The following TLL1 variants were observed in gnomAD, a reference collection of about 807,000 sequenced individuals.
The protein encoded by TLL1 is tolloid like 1, also known as tolloid-like protein 1.
A neutral mutation model predicts 128.2 loss-of-function variants in TLL1; 49 were observed. That is an observed-to-expected ratio of 0.38 (90% confidence interval 0.30 to 0.48). The LOEUF is 0.48. TLL1 is among the 20% of genes least tolerant of loss of function. TLL1 has a pLI of 0.96. For synonymous variants in TLL1, 454 were observed against 418.8 expected (o/e 1.08, Z -1.03); for missense variants, 1,123 against 1,242.0 (o/e 0.90, Z 1.44).
At chr4:165,957,749 A>AT (rs1734879316) in intron 1 of TLL1, among the ~76,000 whole-genome samples, 1 of 149,492 alleles carries the variant, frequency 6.7e-6, no homozygotes, top group African/African-American at 2.5e-5. Flanking sequence ...TTTAGGGTAC[A>AT]TGTGCACAAT....
At chr4:166,099,551 C>A (rs563986958) in intron 20 of TLL1, 24 bp downstream of exon 20, 1 of 1,612,306 alleles carries the variant, frequency 6.2e-7, no homozygotes, top group South Asian at 1.1e-5. Flanking sequence ...CAACAGAATA[C>A]CCTAGACATG....
chr4:165,999,173 C>T (rs763325639), intron 5 of TLL1, among the ~76,000 whole-genome samples: 1 of 152,132 alleles, frequency 6.6e-6, no homozygotes, highest in Admixed American at 6.5e-5. Context: ...AACCACTGCC[C>T]GTTACCCAGT....
intron 5 of TLL1, among the ~76,000 whole-genome samples, chr4:165,996,222 A>G (rs138431814): frequency 1.0e-3 from 157 of 152,294 alleles, no homozygotes; most frequent in Middle Eastern, 3.4e-3. Flanking sequence ...GTCTTTCTCA[A>G]TGATGAGGAT....
intron 2 of TLL1, 113 bp from the exon 3 acceptor site, chr4:165,992,689 CTT>C (rs2111015418): frequency 1.0e-6 from 1 of 953,194 alleles, no homozygotes; most frequent in Non-Finnish European, 1.7e-6. Context: ...AATTTCAACA[CTT>C]TAAGACCACA....
intron 1 of TLL1, among the ~76,000 whole-genome samples, chr4:165,972,840 C>A (rs1041084481): frequency 1.3e-5 from 2 of 152,168 alleles, no homozygotes; most frequent in Non-Finnish European, 2.9e-5. Flanking sequence ...AACATCAAGT[C>A]TGAACTTCTT....
intron 1 of TLL1, among the ~76,000 whole-genome samples, chr4:165,887,643 A>G (rs1731221779): frequency 6.6e-6 from 1 of 152,140 alleles, no homozygotes; most frequent in Non-Finnish European, 1.5e-5. Context: ...TCAGGCGTAT[A>G]TTGGTTAAAT....
At chr4:165,919,667 G>C (rs923086468) in intron 1 of TLL1, among the ~76,000 whole-genome samples, 2 of 152,154 alleles carry the variant, frequency 1.3e-5, no homozygotes, top group African/African-American at 4.8e-5. Flanking sequence ...TACATTCTTT[G>C]GATAAATACA....
intron 9 of TLL1, among the ~76,000 whole-genome samples, chr4:166,038,874 G>A (rs1553963617): frequency 6.6e-6 from 1 of 152,130 alleles, no homozygotes; most frequent in Non-Finnish European, 1.5e-5. Flanking sequence ...TGGGAAAGTG[G>A]CACATGGTGG....
chr4:165,958,682 G>GT (rs1561055175), intron 1 of TLL1, among the ~76,000 whole-genome samples: 1 of 139,374 alleles, frequency 7.2e-6, no homozygotes, highest in East Asian at 2.2e-4. Flanking sequence ...TCTGATGGTA[G>GT]TTTCTTTTGC....
At chr4:165,938,999 CTT>C (rs1206700825) in intron 1 of TLL1, among the ~76,000 whole-genome samples, 1 of 149,572 alleles carries the variant, frequency 6.7e-6, no homozygotes, top group Non-Finnish European at 1.5e-5. Context: ...CTTTTTCTCT[CTT>C]TGTTTTGCTT....
chr4:165,907,858 C>A (rs1359968732), intron 1 of TLL1, among the ~76,000 whole-genome samples: 1 of 152,104 alleles, frequency 6.6e-6, no homozygotes, highest in Non-Finnish European at 1.5e-5. Flanking sequence ...TTGTAAGACA[C>A]TTTTATAAAC....
chr4:166,043,528 C>T, intron 12 of TLL1, 109 bp downstream of exon 12: 1 of 1,513,092 alleles, frequency 6.6e-7, no homozygotes, highest in Non-Finnish European at 9.2e-7. Context: ...GCCTTTTAAT[C>T]AGCAAAGAAG....
At chr4:166,057,346 C>A (rs756534068) in intron 14 of TLL1, 37 bp downstream of exon 14, 4 of 1,611,438 alleles carry the variant, frequency 2.5e-6, no homozygotes, top group Non-Finnish European at 3.4e-6. Flanking sequence ...CCACCCCCCA[C>A]AATTATTTAT....
intron 1 of TLL1, among the ~76,000 whole-genome samples, chr4:165,953,360 C>T (rs1365599849): frequency 6.6e-6 from 1 of 152,002 alleles, no homozygotes; most frequent in Non-Finnish European, 1.5e-5. Context: ...GCAGCTCCCC[C>T]ATGCTTCCCT....
Position 166,063,604 on chromosome 4 carries a change from A to G in TLL1, c.2008-2079A>G, listed in dbSNP as rs182782482. Reference sequence around the variant, plus strand: ...TTGGAACCAACCCAAATGTCCATCAATGATAGACTGGATTAAGAAACTGTG... The same window carrying G: ...TTGGAACCAACCCAAATGTCCATCAGTGATAGACTGGATTAAGAAACTGTG... On this transcript the variant is annotated intron_variant, in intron 15 of 20. Transcript: ENST00000061240. Among the ~76,000 whole-genome samples, 24 of 152,292 alleles carry G rather than the reference A, an allele frequency of 1.6e-4. No homozygotes were observed. In the East Asian group the frequency reaches 3.9e-3, roughly 24 times the overall value.
intron 16 of TLL1, 44 bp downstream of exon 16, chr4:166,065,907 A>G (rs570995145): frequency 5.8e-5 from 92 of 1,591,110 alleles, no homozygotes; most frequent in South Asian, 4.5e-4. Context: ...CAGATTTTCA[A>G]TGTGGGTTGG....
chr4:165,990,874 T>C (rs1463276856), intron 2 of TLL1, among the ~76,000 whole-genome samples: 6 of 151,982 alleles, frequency 3.9e-5, no homozygotes, highest in Admixed American at 1.3e-4. Flanking sequence ...TTCTAAAACA[T>C]ATATCAGTAT....
chr4:166,016,411 A>G (rs1320570233), intron 8 of TLL1, among the ~76,000 whole-genome samples: 3 of 152,100 alleles, frequency 2.0e-5, no homozygotes, highest in Non-Finnish European at 4.4e-5. Context: ...CATACATTAC[A>G]TTTGAGAAGC....
At chr4:165,968,675 G>A (rs1290234623) in intron 1 of TLL1, among the ~76,000 whole-genome samples, 1 of 152,146 alleles carries the variant, frequency 6.6e-6, no homozygotes, top group African/African-American at 2.4e-5. Context: ...AGGGGGAGAT[G>A]ATGAGTTTTG....
Sources: gnomAD v4.1 joint callset for allele counts (sites outside exome capture counted in the v4.1 genomes callset) on GRCh38, gnomAD v4.1.1 for gene constraint, MANE v1.5 for transcripts, NCBI Gene and HGNC (gene_info 2026-07-23, HGNC 2026-07-21) for gene names.